PWWP2A: variants seen among roughly 807,000 people sequenced by gnomAD.
PWWP2A encodes the protein PWWP domain containing 2A.
PWWP2A carries 18 observed loss-of-function variants against 48.5 expected under a neutral mutation model. The observed-to-expected ratio is 0.37, with a 90% CI of 0.26 to 0.55. The LOEUF is 0.55. PWWP2A is among the 20% of genes least tolerant of loss of function. The pLI, the probability that PWWP2A is intolerant of heterozygous loss-of-function variation, is 0.81. For missense variants in PWWP2A, 867 were observed against 976.4 expected (o/e 0.89, Z 1.49); for synonymous variants, 396 against 387.7 (o/e 1.02, Z -0.25).
At chr5:160,086,221 G>A (rs1322891658) in intron 2 of PWWP2A, among the ~76,000 whole-genome samples, 3 of 152,118 alleles carry the variant, frequency 2.0e-5, no homozygotes, top group African/African-American at 7.2e-5. Context: ...TCAGAAATGT[G>A]AAGAAAAAAT....
At chr5:160,106,002 G>T (rs1756858641) in intron 1 of PWWP2A, among the ~76,000 whole-genome samples, 1 of 152,068 alleles carries the variant, frequency 6.6e-6, no homozygotes, top group South Asian at 2.1e-4. Context: ...TAAGACCCAG[G>T]ACCATGTAGA....
chr5:160,053,556 C>A, the PWWP2A span, among the ~76,000 whole-genome samples: 1 of 151,890 alleles, frequency 6.6e-6, no homozygotes, highest in Non-Finnish European at 1.5e-5. Context: ...AGAGTGAGAC[C>A]TTGTCTTTAA....
At chr5:160,047,188 A>G in the PWWP2A span, among the ~76,000 whole-genome samples, 6 of 152,088 alleles carry the variant, frequency 3.9e-5, no homozygotes, top group Non-Finnish European at 7.3e-5. Flanking sequence ...AGTGTCCTGT[A>G]TCCCACTGCA....
At chr5:160,091,080 C>T (rs951742420), downstream of PWWP2A, 1 of 984,800 alleles carries the variant, frequency 1.0e-6, no homozygotes, top group Non-Finnish European at 1.2e-6. Flanking sequence ...AAAATTCACA[C>T]ATTTATGAGA....
downstream of PWWP2A, chr5:160,089,490 G>A (rs1010521133): frequency 8.1e-7 from 1 of 1,235,596 alleles, no homozygotes; most frequent in African/African-American, 1.6e-5. Context: ...AGGAATATGG[G>A]AATGACCCAC....
At chr5:160,103,509 T>C (rs566576351) in intron 1 of PWWP2A, among the ~76,000 whole-genome samples, 4 of 152,158 alleles carry the variant, frequency 2.6e-5, no homozygotes, top group Non-Finnish European at 5.9e-5. Context: ...GAGACCAGAA[T>C]GTACCAGTCA....
At chr5:160,070,673 G>A (rs1753720217) in intron 2 of PWWP2A, among the ~76,000 whole-genome samples, 1 of 152,088 alleles carries the variant, frequency 6.6e-6, no homozygotes, top group Non-Finnish European at 1.5e-5. Context: ...TGTGGAGGCT[G>A]GGGAGTCACT....
downstream of PWWP2A, chr5:160,089,401 G>A: frequency 7.4e-6 from 3 of 402,966 alleles, no homozygotes; most frequent in South Asian, 4.9e-5. Context: ...TGGCAGCGGG[G>A]ACGGGGGTCT....
downstream of PWWP2A, chr5:160,090,301 G>T: frequency 1.0e-6 from 1 of 984,928 alleles, no homozygotes; most frequent in Non-Finnish European, 1.2e-6. Flanking sequence ...AACTCACCCA[G>T]ATCATTACAC....
chr5:160,079,663 T>C (rs1754088627), intron 3 of PWWP2A, among the ~76,000 whole-genome samples: 1 of 152,326 alleles, frequency 6.6e-6, no homozygotes. Flanking sequence ...ATATTTGGCT[T>C]CAATTTTAGT....
At chr5:160,086,268 A>C (rs781011237) in intron 2 of PWWP2A, among the ~76,000 whole-genome samples, 14 of 152,158 alleles carry the variant, frequency 9.2e-5, no homozygotes, top group Non-Finnish European at 1.6e-4. Context: ...CTGTAACCCC[A>C]CCACTTTGGG....
intron 1 of PWWP2A, 114 bp from the exon 2 acceptor site, chr5:160,094,179 T>C: frequency 7.9e-7 from 1 of 1,260,974 alleles, no homozygotes. Context: ...GAAAACTATT[T>C]CATATTAAAA....
chr5:160,073,030 A>G (rs1311668578), downstream of PWWP2A, among the ~76,000 whole-genome samples: 1 of 146,252 alleles, frequency 6.8e-6, no homozygotes, highest in Non-Finnish European at 1.5e-5. Flanking sequence ...AAAAAAAAAA[A>G]AAATCCTAAC....
the PWWP2A span, among the ~76,000 whole-genome samples, chr5:160,046,226 C>T: frequency 6.6e-6 from 1 of 152,186 alleles, no homozygotes; most frequent in African/African-American, 2.4e-5. Context: ...CATTGAAACC[C>T]ATCTTGTAAA....
In PWWP2A at chr5:160,092,809, G is replaced by A. The variant is rs1183914341; in HGVS notation, c.1841C>T (p.Pro614Leu). 3.9e-6 allele frequency: 6 copies of A among 1,551,652 alleles called. No homozygotes were observed. The change falls in exon 2 of 2, where the codon CCT becomes CTT. Residue 614 changes from proline (P) to leucine (L), a missense_variant. Coordinates refer to ENST00000307063, the MANE Select transcript of PWWP2A (RefSeq NM_001130864.2). Reference protein sequence around the residue: ...FDFPPGSMHAPSTSSTSSSSK... With the variant: ...FDFPPGSMHALSTSSTSSSSK... ...AGAGGAGGAAGTGGAGGAGGTGGAA[G>A]GTGCATGCATACTGCCTGGAGGAAA...
intron 2 of PWWP2A, among the ~76,000 whole-genome samples, chr5:160,082,962 T>C (rs1029559143): frequency 1.3e-5 from 2 of 152,196 alleles, no homozygotes; most frequent in African/African-American, 4.8e-5. Flanking sequence ...CCTCTTAGCG[T>C]GCACGAAAGA....
rs191012456 is a variant in PWWP2A at position 160,094,971 on chromosome 5, C to A, written c.585-906G>T. Among the ~76,000 whole-genome samples the A allele has an allele frequency of 2.2e-5, 3 of 135,290 alleles. No homozygotes were observed. The Admixed American group carries it at 2.7e-4, about 12-fold the overall frequency. 88.8% of individuals were successfully genotyped at this position (135,290 alleles called of 152,430 possible). A position where few individuals can be genotyped will look rare whatever the true frequency, so the allele number is the denominator to read the frequency against. On this transcript the variant is annotated intron_variant, in intron 1 of 1. Transcript: ENST00000307063. ...GCTGAGGCAGGAGAATGGCGTGAAC[C>A]CAAGAGGCAGAGCTTGCAGTGAGCT...
intron 4 of PWWP2A, chr5:160,065,286 G>C: frequency 1.4e-6 from 1 of 717,688 alleles, no homozygotes. Flanking sequence ...GGTGGTGTCT[G>C]TGCAGCTGGT....
intron 1 of PWWP2A, among the ~76,000 whole-genome samples, chr5:160,115,298 G>A (rs1307221195): frequency 1.3e-5 from 2 of 151,996 alleles, no homozygotes; most frequent in Non-Finnish European, 2.9e-5. Flanking sequence ...GCTTATGCCT[G>A]TAATCCCAGC....
Sources: allele counts gnomAD v4.1 joint callset (sites outside exome capture counted in the v4.1 genomes callset), GRCh38; gene constraint gnomAD v4.1.1; transcripts MANE v1.5; gene names NCBI Gene and HGNC (gene_info 2026-07-23, HGNC 2026-07-21).